The following QTMAN variants were observed in gnomAD, a reference collection of about 807,000 sequenced individuals.
The protein encoded by QTMAN is queuosine-tRNA mannosyltransferase.
At chr2:143,975,977 G>T in the QTMAN span, among the ~76,000 whole-genome samples, 5 of 152,144 alleles carry the variant, frequency 3.3e-5, no homozygotes, top group African/African-American at 9.7e-5. Context: ...ATAAATGAAG[G>T]TGTAGGAAAA....
At chr2:144,321,044 A>G in the QTMAN span, among the ~76,000 whole-genome samples, 2 of 152,328 alleles carry the variant, frequency 1.3e-5, no homozygotes, top group East Asian at 3.9e-4. Flanking sequence ...ACTTAGAAAC[A>G]CCCAACTTAA....
the QTMAN span, among the ~76,000 whole-genome samples, chr2:144,203,014 G>T: frequency 6.6e-6 from 1 of 152,124 alleles, no homozygotes; most frequent in African/African-American, 2.4e-5. Flanking sequence ...AGAAAACTTT[G>T]TTCCCCTTCT....
At chr2:144,269,356 GAA>G in the QTMAN span, among the ~76,000 whole-genome samples, 1 of 152,136 alleles carries the variant, frequency 6.6e-6, no homozygotes, top group Non-Finnish European at 1.5e-5. Context: ...TTCTTCAAAA[GAA>G]AAGAGGAGAG....
the QTMAN span, among the ~76,000 whole-genome samples, chr2:144,144,634 T>G: frequency 1.5e-4 from 23 of 152,090 alleles, no homozygotes; most frequent in African/African-American, 5.5e-4. Flanking sequence ...TGCACTCTAT[T>G]TTGATAGCAC....
the QTMAN span, among the ~76,000 whole-genome samples, chr2:144,209,136 C>G: frequency 6.6e-6 from 1 of 152,164 alleles, no homozygotes; most frequent in Admixed American, 6.5e-5. Context: ...CTGGTTTGTT[C>G]GGCTGTAAGC....
the QTMAN span, among the ~76,000 whole-genome samples, chr2:144,084,112 T>G: frequency 1 from 151,882 of 152,310 alleles, 75,730 homozygotes; most frequent in East Asian, 1. Flanking sequence ...CAGTCAAAGG[T>G]CCAAACAACA....
chr2:143,949,554 G>T, the QTMAN span, among the ~76,000 whole-genome samples: 6 of 151,802 alleles, frequency 4.0e-5, no homozygotes, highest in Non-Finnish European at 8.9e-5. Context: ...ACAAATTAAA[G>T]AATTCAGTGA....
the QTMAN span, among the ~76,000 whole-genome samples, chr2:144,157,894 C>G: frequency 2.0e-5 from 3 of 151,838 alleles, no homozygotes; most frequent in African/African-American, 7.3e-5. Context: ...AGATGGCATC[C>G]TGCTCCTTTG....
At chr2:144,159,101 A>G in the QTMAN span, among the ~76,000 whole-genome samples, 1 of 152,084 alleles carries the variant, frequency 6.6e-6, no homozygotes, top group African/African-American at 2.4e-5. Context: ...GGGATGCACA[A>G]ACTGCAGATC....
the QTMAN span, among the ~76,000 whole-genome samples, chr2:144,190,057 C>T: frequency 6.6e-6 from 1 of 152,042 alleles, no homozygotes; most frequent in Non-Finnish European, 1.5e-5. Context: ...AATGATATTA[C>T]AATTATGTTT....
chr2:144,293,154 T>G, the QTMAN span, among the ~76,000 whole-genome samples: 12 of 152,212 alleles, frequency 7.9e-5, no homozygotes, highest in Admixed American at 3.3e-4. Flanking sequence ...TAACATTGAG[T>G]GCATAAAAAA....
chr2:144,283,569 T>C, the QTMAN span, among the ~76,000 whole-genome samples: 1 of 152,190 alleles, frequency 6.6e-6, no homozygotes, highest in Non-Finnish European at 1.5e-5. Flanking sequence ...TTAATTTTTA[T>C]ATAACCTGAA....
the QTMAN span, among the ~76,000 whole-genome samples, chr2:144,241,019 G>C: frequency 2.0e-3 from 300 of 152,254 alleles, 1 homozygote; most frequent in Middle Eastern, 6.8e-3. Context: ...CAGAGATTCT[G>C]GTTTCATCAA....
At chr2:144,234,756 C>T in the QTMAN span, among the ~76,000 whole-genome samples, 1 of 152,228 alleles carries the variant, frequency 6.6e-6, no homozygotes, top group African/African-American at 2.4e-5. Flanking sequence ...TAATTTCCGG[C>T]AAAAGGATCC....
the QTMAN span, among the ~76,000 whole-genome samples, chr2:144,234,898 C>T: frequency 1.1e-4 from 16 of 152,278 alleles, no homozygotes; most frequent in South Asian, 4.1e-4. Flanking sequence ...ACAATATACA[C>T]GCTTCTCTTA....
chr2:144,208,992 T>G, the QTMAN span, among the ~76,000 whole-genome samples: 45 of 152,342 alleles, frequency 3.0e-4, no homozygotes, highest in Middle Eastern at 0.02. Flanking sequence ...TTTGTGTTAA[T>G]AAGAAGAAAT....
chr2:144,173,665 G>A, the QTMAN span, among the ~76,000 whole-genome samples: 1 of 152,134 alleles, frequency 6.6e-6, no homozygotes, highest in African/African-American at 2.4e-5. Flanking sequence ...TGTGAGCAAT[G>A]GGCATGATTT....
At chr2:144,007,182 C>A in the QTMAN span, 1 of 1,565,062 alleles carries the variant, frequency 6.4e-7, no homozygotes, top group Non-Finnish European at 8.7e-7. Flanking sequence ...CTTGACTTAC[C>A]ACCTGTGAGG....
the QTMAN span, among the ~76,000 whole-genome samples, chr2:144,220,869 T>C: frequency 6.6e-6 from 1 of 152,234 alleles, no homozygotes; most frequent in Non-Finnish European, 1.5e-5. Flanking sequence ...AATTGAAGTA[T>C]CCTATTATCC....
Sources: gnomAD v4.1 joint callset for allele counts (sites outside exome capture counted in the v4.1 genomes callset) on GRCh38, gnomAD v4.1.1 for gene constraint, MANE v1.5 for transcripts, NCBI Gene and HGNC (gene_info 2026-07-23, HGNC 2026-07-21) for gene names.